PECAM1: variants seen among roughly 807,000 people sequenced by gnomAD.
PECAM1 encodes platelet endothelial cell adhesion molecule.
In PECAM1, 8 loss-of-function variants were observed where a neutral mutation model predicts 13.8. That is an observed-to-expected ratio of 0.58 (90% CI 0.34 to 1.05). The LOEUF (loss-of-function observed/expected upper bound fraction) is 1.05, where lower values mean the gene tolerates loss of function less well. PECAM1 is among the 50% of genes least tolerant of loss of function. PECAM1 has a pLI of 0.03. For missense variants in PECAM1, 304 were observed against 141.2 expected, an observed-to-expected ratio of 2.15 and a Z score of -5.84; for synonymous variants, 136 against 52.6, an observed-to-expected ratio of 2.58 and a Z score of -6.86.
chr17:64,338,787 G>A, intron 14 of PECAM1, among the ~76,000 whole-genome samples: 1 of 152,202 alleles, frequency 6.6e-6, no homozygotes, highest in African/African-American at 2.4e-5. Context: ...TCCAACTCCT[G>A]ACCTCAGGTG....
At chr17:64,355,106 A>G (rs1167129886) in intron 8 of PECAM1, 66 bp from the exon 9 acceptor site, 1 of 447,388 alleles carries the variant, frequency 2.2e-6, no homozygotes, top group African/African-American at 2.0e-5. Flanking sequence ...GGAAGAAATA[A>G]TATCAGGCTT....
intron 4 of PECAM1, among the ~76,000 whole-genome samples, chr17:64,371,989 G>GA (rs1406092650): frequency 1.3e-5 from 2 of 152,004 alleles, no homozygotes; most frequent in East Asian, 1.9e-4. Flanking sequence ...TGGTTTACGG[G>GA]AAAAAAATGT....
At chr17:64,354,096 C>G (rs1250561385) in intron 9 of PECAM1, among the ~76,000 whole-genome samples, 1 of 151,978 alleles carries the variant, frequency 6.6e-6, no homozygotes, top group Admixed American at 6.6e-5. Flanking sequence ...CCCATCACCA[C>G]GTCTGGCCAA....
chr17:64,364,276 A>G (rs1207754827), intron 5 of PECAM1, among the ~76,000 whole-genome samples: 1 of 152,206 alleles, frequency 6.6e-6, no homozygotes, highest in Non-Finnish European at 1.5e-5. Context: ...TAAACCAGGA[A>G]GAAGTTGAAT....
chr17:64,386,465 C>T (rs2036596566), intron 2 of PECAM1, among the ~76,000 whole-genome samples: 1 of 150,552 alleles, frequency 6.6e-6, no homozygotes, highest in African/African-American at 2.4e-5. Flanking sequence ...GTGATGGTTG[C>T]ACAACACCGT....
Position 64,370,009 on chromosome 17 carries a change from G to C in PECAM1, c.708C>G (p.Pro236=), listed in dbSNP as rs2036204672. The C allele has an allele frequency of 7.5e-6, 3 of 398,522 alleles. No homozygotes were observed. Among genetic ancestry groups the C allele is most frequent in the East Asian group, 3.6e-5 (1 of 28,090 alleles). 24.7% of individuals were successfully genotyped at this position (398,522 alleles called of 1,614,324 possible). ...LVTVTESFST[P]KFHISPTGMI... ...TTCCGGTGGGGCTGATGTGGAACTT[G>C]GGTGTAGAGAAGGATTCTGCAAGAG... The change falls in exon 5 of 16, where the codon CCC becomes CCG. Residue 236 remains proline, a synonymous_variant. Coordinates refer to ENST00000563924, the MANE Select transcript of PECAM1 (RefSeq NM_000442.5).
intron 12 of PECAM1, 54 bp downstream of exon 12, chr17:64,350,326 C>T: frequency 2.5e-6 from 1 of 406,490 alleles, no homozygotes; most frequent in Non-Finnish European, 4.5e-6. Flanking sequence ...TCCTATGAGT[C>T]TTTTTTTTAA....
chr17:64,348,407 CTTT>C (rs869282884), intron 12 of PECAM1, 85 bp from the exon 13 acceptor site: 2,517 of 293,002 alleles, frequency 8.6e-3, no homozygotes, highest in East Asian at 0.014. Flanking sequence ...ACTTTCTTTT[CTTT>C]TTTTTTTTTT....
intron 2 of PECAM1, among the ~76,000 whole-genome samples, chr17:64,386,558 T>G (rs2036598403): frequency 1.3e-5 from 2 of 152,120 alleles, no homozygotes. Flanking sequence ...TTTGATTGGA[T>G]ATGGGGTTGA....
In PECAM1 at chr17:64,323,553, T is replaced by A; in HGVS notation, c.*263A>T. 7.1e-7 allele frequency: 1 copy of A among 1,409,470 alleles called. No individual in the cohort carries two copies. Among genetic ancestry groups the A allele is most frequent in the Non-Finnish European group, 9.2e-7 (1 of 1,084,588 alleles). The allele number at this position is 1,409,470 out of a possible 1,614,324, so 87.3% of individuals were successfully genotyped here. On this transcript the variant is annotated 3_prime_UTR_variant, in exon 16 of 16. Transcript: ENST00000563924. ...TGGCCTTGCCCTGGATCTCCTCTTG[T>A]GCTCTTCCAATTTCCAAGGATGTTC...
chr17:64,327,272 C>G (rs1220455159), intron 15 of PECAM1, among the ~76,000 whole-genome samples: 1 of 152,250 alleles, frequency 6.6e-6, no homozygotes, highest in Non-Finnish European at 1.5e-5. Flanking sequence ...GATCAACCAG[C>G]TTTTATATGG....
At chr17:64,329,155 T>G (rs1467635846) in intron 15 of PECAM1, among the ~76,000 whole-genome samples, 1 of 152,092 alleles carries the variant, frequency 6.6e-6, no homozygotes, top group Non-Finnish European at 1.5e-5. Flanking sequence ...TCCAAATGAT[T>G]CCTTGGGGAA....
At position 64,325,611 on chromosome 17, in the gene PECAM1, C is replaced by G. The variant is rs148577208; in HGVS notation, c.2188-1766G>C. 4.6e-4 allele frequency among the ~76,000 whole-genome samples: 70 copies of G among 152,188 alleles called. 1 individual carries two copies. The highest frequency in any genetic ancestry group is 8.5e-4 in the Admixed American group (13 of 15,288). On this transcript the variant is annotated intron_variant, in intron 15 of 15. Coordinates refer to ENST00000563924, the MANE Select transcript of PECAM1 (RefSeq NM_000442.5). ...AATTAGGCATACATGGTGGTGTGCA[C>G]CTGTAGTCCCAGCTACTCAGGAGGC...
intron 5 of PECAM1, among the ~76,000 whole-genome samples, chr17:64,368,539 G>A (rs1352408413): frequency 6.6e-6 from 1 of 152,018 alleles, no homozygotes; most frequent in African/African-American, 2.4e-5. Flanking sequence ...GAATTGTTAT[G>A]AGCATGAAAT....
At chr17:64,328,904 A>G (rs755227078) in intron 15 of PECAM1, among the ~76,000 whole-genome samples, 10 of 151,900 alleles carry the variant, frequency 6.6e-5, no homozygotes, top group Non-Finnish European at 1.3e-4. Flanking sequence ...TCTTTCATAA[A>G]CCCTCCCATC....
At chr17:64,342,189 C>T (rs1468798726) in intron 13 of PECAM1, among the ~76,000 whole-genome samples, 2 of 149,760 alleles carry the variant, frequency 1.3e-5, no homozygotes, top group East Asian at 2.0e-4. Flanking sequence ...CTTGGTCTAA[C>T]GAGCGTCACT....
At chr17:64,361,194 G>C (rs2035970124) in intron 6 of PECAM1, among the ~76,000 whole-genome samples, 1 of 149,060 alleles carries the variant, frequency 6.7e-6, no homozygotes, top group Non-Finnish European at 1.5e-5. Flanking sequence ...CACCCAGGCT[G>C]GAGTGCAATG....
chr17:64,390,701 C>A lies in PECAM1; in HGVS notation c.-36G>T, dbSNP rs1256892223. 5 of 440,364 alleles carry A rather than the reference C, an allele frequency of 1.1e-5. No individual in the cohort carries two copies. Among genetic ancestry groups the A allele is most frequent in the South Asian group, 9.5e-5 (1 of 10,540 alleles). The allele number at this position is 440,364 out of a possible 1,614,324, so 27.3% of individuals were successfully genotyped here. A position where few individuals can be genotyped will look rare whatever the true frequency, so the allele number is the denominator to read the frequency against. On this transcript the variant is annotated 5_prime_UTR_variant, in exon 1 of 16. Transcript: ENST00000563924. ...AAGACTGCAGGCACAGTTAGTTCTG[C>A]CTTCGGGCCATGACTCGCTCAGCAG...
Position 64,320,096 on chromosome 17 carries a change from T to C in PECAM1, c.*3720A>G, listed in dbSNP as rs896267646. ...TGCTGGGGAGACATCTCCTTCCCGT[T>C]TACCTTTCCATTTGCCCTTGCGGTG... On this transcript the variant is annotated 3_prime_UTR_variant, in exon 16 of 16. Transcript: ENST00000563924. 1 of 152,236 alleles carries C rather than the reference T, an allele frequency of 6.6e-6. No homozygotes were observed. The highest frequency in any genetic ancestry group is 1.5e-5 in the Non-Finnish European group (1 of 68,052). The allele number at this position is 152,236 out of a possible 1,614,324, so 9.4% of individuals were successfully genotyped here. A position where few individuals can be genotyped will look rare whatever the true frequency, so the allele number is the denominator to read the frequency against.
Sources: gnomAD v4.1 joint callset for allele counts (sites outside exome capture counted in the v4.1 genomes callset) on GRCh38, gnomAD v4.1.1 for gene constraint, MANE v1.5 for transcripts, NCBI Gene and HGNC (gene_info 2026-07-23, HGNC 2026-07-21) for gene names.